The following KCNH5 variants were observed in gnomAD, a reference collection of about 807,000 sequenced individuals.
KCNH5 encodes voltage-gated delayed rectifier potassium channel KCNH5.
A neutral mutation model predicts 96.1 loss-of-function variants in KCNH5; 46 were observed. That is an observed-to-expected ratio of 0.48 (90% CI 0.38 to 0.61). The LOEUF (loss-of-function observed/expected upper bound fraction) is 0.61, where lower values mean the gene tolerates loss of function less well. Ranked by LOEUF, KCNH5 falls within the 20% of genes least tolerant of loss-of-function variation. The pLI is 0.00. For missense variants in KCNH5, 907 were observed against 1,225.8 expected, an observed-to-expected ratio of 0.74 and a Z score of 3.88; for synonymous variants, 439 against 449.8, an observed-to-expected ratio of 0.98 and a Z score of 0.30.
intron 7 of KCNH5, among the ~76,000 whole-genome samples, chr14:62,938,962 T>A (rs1341140438): frequency 6.6e-6 from 1 of 152,226 alleles, no homozygotes; most frequent in Non-Finnish European, 1.5e-5. Flanking sequence ...GAAAAACATA[T>A]TGGCTGTGAA....
chr14:62,970,952 C>T (rs746515243), intron 6 of KCNH5, among the ~76,000 whole-genome samples: 13 of 151,854 alleles, frequency 8.6e-5, no homozygotes, highest in Admixed American at 2.6e-4. Context: ...AGATCAGGAA[C>T]GAGGCAAAGA....
chr14:62,772,635 TGAA>T (rs746894523), intron 10 of KCNH5, among the ~76,000 whole-genome samples: 1 of 38,154 alleles, frequency 2.6e-5, no homozygotes, highest in African/African-American at 1.1e-4. Flanking sequence ...AGACTTTGTC[TGAA>T]AAAAAAAAAA....
intron 7 of KCNH5, among the ~76,000 whole-genome samples, chr14:62,920,577 C>A (rs1392074162): frequency 6.6e-6 from 1 of 152,000 alleles, no homozygotes; most frequent in Non-Finnish European, 1.5e-5. Context: ...AATCTTCGAC[C>A]CGCCTGTGCA....
At chr14:62,759,766 G>C (rs1487873482) in intron 10 of KCNH5, among the ~76,000 whole-genome samples, 1 of 152,098 alleles carries the variant, frequency 6.6e-6, no homozygotes, top group African/African-American at 2.4e-5. Flanking sequence ...TGAGTAGAAT[G>C]ACTCAGGAAC....
intron 7 of KCNH5, among the ~76,000 whole-genome samples, chr14:62,873,302 T>C (rs1012523577): frequency 4.6e-5 from 7 of 152,190 alleles, no homozygotes; most frequent in African/African-American, 1.4e-4. Flanking sequence ...TTCAAAATAA[T>C]GATAATTTAA....
At chr14:62,860,323 T>C (rs759437284) in intron 7 of KCNH5, among the ~76,000 whole-genome samples, 4 of 152,196 alleles carry the variant, frequency 2.6e-5, no homozygotes, top group Non-Finnish European at 5.9e-5. Flanking sequence ...TCAAGCACCA[T>C]TGGATCTGCT....
chr14:63,020,736 T>C (rs192483832), intron 1 of KCNH5, among the ~76,000 whole-genome samples: 5 of 152,304 alleles, frequency 3.3e-5, no homozygotes, highest in Middle Eastern at 3.4e-3. Flanking sequence ...GTGTATACAA[T>C]TGTCAAAATT....
At chr14:62,902,772 T>C (rs1161442943) in intron 7 of KCNH5, among the ~76,000 whole-genome samples, 1 of 151,138 alleles carries the variant, frequency 6.6e-6, no homozygotes, top group African/African-American at 2.4e-5. Flanking sequence ...CGGGCTGGAG[T>C]GCAATGGCAC....
At chr14:62,811,360 G>A (rs1050652564) in intron 8 of KCNH5, among the ~76,000 whole-genome samples, 1 of 151,986 alleles carries the variant, frequency 6.6e-6, no homozygotes, top group Non-Finnish European at 1.5e-5. Context: ...TCTTACTACC[G>A]TCCTCCAACC....
chr14:62,872,570 G>C (rs1028623617), intron 7 of KCNH5, among the ~76,000 whole-genome samples: 6 of 152,110 alleles, frequency 3.9e-5, no homozygotes, highest in African/African-American at 1.4e-4. Context: ...GCATGTGCCT[G>C]TACTCCCAGC....
chr14:62,712,842 A>G, intron 10 of KCNH5: 1 of 676,374 alleles, frequency 1.5e-6, no homozygotes, highest in Non-Finnish European at 2.7e-6. Context: ...CAGAGCCAGT[A>G]GGCTTAAACA....
chr14:63,010,838 G>T (rs977977216), intron 2 of KCNH5, among the ~76,000 whole-genome samples: 1 of 152,162 alleles, frequency 6.6e-6, no homozygotes, highest in African/African-American at 2.4e-5. Flanking sequence ...AAGGAGAAAA[G>T]AATCTTACAA....
intron 10 of KCNH5, among the ~76,000 whole-genome samples, chr14:62,708,803 C>A (rs1012572250): frequency 5.3e-5 from 8 of 152,084 alleles, no homozygotes; most frequent in African/African-American, 1.9e-4. Context: ...TACACACATA[C>A]ATACACACAT....
chr14:62,786,148 G>A (rs1281724388), intron 9 of KCNH5, among the ~76,000 whole-genome samples: 12 of 152,118 alleles, frequency 7.9e-5, no homozygotes, highest in African/African-American at 1.7e-4. Context: ...CCGAGATCAC[G>A]CCACTGCTCT....
At chr14:63,042,758 T>C (rs1326649996) in intron 1 of KCNH5, among the ~76,000 whole-genome samples, 1 of 152,182 alleles carries the variant, frequency 6.6e-6, no homozygotes, top group Non-Finnish European at 1.5e-5. Context: ...CTGCGGGATA[T>C]TCCCCCGTGA....
chr14:62,720,776 C>A (rs1040158409), intron 10 of KCNH5, among the ~76,000 whole-genome samples: 1 of 152,060 alleles, frequency 6.6e-6, no homozygotes, highest in Non-Finnish European at 1.5e-5. Context: ...TTAGTCTAAG[C>A]CGAAGGACAA....
chr14:62,786,330 A>T (rs1886320182), intron 9 of KCNH5, among the ~76,000 whole-genome samples: 1 of 152,180 alleles, frequency 6.6e-6, no homozygotes, highest in African/African-American at 2.4e-5. Context: ...GGGGTGTGAT[A>T]GTGGCTCTAT....
At chr14:62,877,159 G>A (rs2140072280) in intron 7 of KCNH5, among the ~76,000 whole-genome samples, 1 of 151,960 alleles carries the variant, frequency 6.6e-6, no homozygotes, top group East Asian at 1.9e-4. Flanking sequence ...AGCTGAAACT[G>A]GATCCCTTCC....
intron 10 of KCNH5, among the ~76,000 whole-genome samples, chr14:62,757,773 A>C (rs529017605): frequency 2.0e-4 from 31 of 152,282 alleles, no homozygotes; most frequent in Admixed American, 5.9e-4. Context: ...ATGGAGATAG[A>C]GAGTAGAATG....
Sources: allele counts gnomAD v4.1 joint callset (sites outside exome capture counted in the v4.1 genomes callset), GRCh38; gene constraint gnomAD v4.1.1; transcripts MANE v1.5; gene names NCBI Gene and HGNC (gene_info 2026-07-23, HGNC 2026-07-21).